The following BAIAP2 variants were observed in gnomAD, a reference collection of about 807,000 sequenced individuals.
BAIAP2 encodes the protein BAR/IMD domain containing adaptor protein 2, also known as BAR/IMD domain-containing adapter protein 2.
Under a neutral mutation model 63.0 loss-of-function variants are expected in BAIAP2, and 18 were observed. The ratio of observed to expected loss-of-function variants is 0.29; its 90% CI spans 0.20 to 0.42. The LOEUF is 0.42. Ranked by LOEUF, BAIAP2 falls within the 10% of genes least tolerant of loss-of-function variation. The pLI is 1.00. For missense variants in BAIAP2, 610 were observed against 734.3 expected (o/e 0.83, Z 1.96); for synonymous variants, 386 against 307.6 (o/e 1.25, Z -2.67).
At chr17:81,067,546 G>T (rs903010776) in intron 3 of BAIAP2, among the ~76,000 whole-genome samples, 1 of 151,100 alleles carries the variant, frequency 6.6e-6, no homozygotes, top group East Asian at 2.0e-4. Flanking sequence ...TTGCAGCCGC[G>T]GCAGCCAAGT....
chr17:81,112,655 C>A (rs1386140930), intron 13 of BAIAP2, among the ~76,000 whole-genome samples: 1 of 152,256 alleles, frequency 6.6e-6, no homozygotes, highest in Non-Finnish European at 1.5e-5. Flanking sequence ...CAGGTGCTGT[C>A]CGCCCGGCTC....
At chr17:81,064,490 C>A (rs2051124329) in intron 3 of BAIAP2, among the ~76,000 whole-genome samples, 1 of 152,376 alleles carries the variant, frequency 6.6e-6, no homozygotes, top group East Asian at 1.9e-4. Flanking sequence ...TGTAGCCAAG[C>A]GTGCTGCTCC....
At chr17:81,074,310 C>T (rs975298598) in intron 3 of BAIAP2, among the ~76,000 whole-genome samples, 13 of 151,670 alleles carry the variant, frequency 8.6e-5, no homozygotes, top group South Asian at 2.1e-4. Context: ...GTGTGAGTGC[C>T]GGTGTGTGTG....
intron 1 of BAIAP2, among the ~76,000 whole-genome samples, chr17:81,038,538 G>A (rs571733402): frequency 1.4e-3 from 212 of 152,352 alleles, no homozygotes; most frequent in African/African-American, 4.8e-3. Context: ...TCTTGGCCCT[G>A]GCTGGTCACT....
intron 3 of BAIAP2, among the ~76,000 whole-genome samples, chr17:81,080,748 G>A (rs2054473895): frequency 6.6e-6 from 1 of 152,168 alleles, no homozygotes; most frequent in Admixed American, 6.5e-5. Flanking sequence ...CAGGCACGGT[G>A]CTGCATGCCT....
At chr17:81,050,554 C>G (rs901206233) in intron 1 of BAIAP2, among the ~76,000 whole-genome samples, 1 of 152,178 alleles carries the variant, frequency 6.6e-6, no homozygotes, top group Non-Finnish European at 1.5e-5. Context: ...CAGGTTGAGC[C>G]TCTTCCACCC....
At chr17:81,104,790 C>T (rs908563256) in intron 10 of BAIAP2, 75 bp downstream of exon 10, 22 of 1,417,510 alleles carry the variant, frequency 1.6e-5, no homozygotes, top group Non-Finnish European at 1.9e-5. Flanking sequence ...CACTCAAGTG[C>T]ACTGAGACCT....
intron 4 of BAIAP2, 111 bp from the exon 5 acceptor site, chr17:81,085,543 A>G (rs2145300134): frequency 1.1e-6 from 1 of 894,892 alleles, no homozygotes; most frequent in South Asian, 1.4e-5. Flanking sequence ...CCCCTCCTGC[A>G]CAGCCGGGAC....
At chr17:81,104,769 T>C in intron 10 of BAIAP2, 54 bp downstream of exon 10, 2 of 1,498,736 alleles carry the variant, frequency 1.3e-6, no homozygotes, top group South Asian at 1.2e-5. Context: ...AGCAAGTGTG[T>C]GGGGCAGCGA....
intron 1 of BAIAP2, among the ~76,000 whole-genome samples, chr17:81,043,811 G>A (rs752655446): frequency 6.6e-6 from 1 of 152,250 alleles, no homozygotes; most frequent in Non-Finnish European, 1.5e-5. Context: ...CCAACTCCAG[G>A]GCCCTCTGGC....
chr17:81,104,095 C>T lies in BAIAP2; in HGVS notation c.1053C>T (p.Asn351=), dbSNP rs905189053. 11 of 1,613,278 alleles carry T rather than the reference C, an allele frequency of 6.8e-6. No homozygotes were observed. The highest frequency in any genetic ancestry group is 9.3e-6 in the Non-Finnish European group (11 of 1,179,998). ...LPVRKSVTPK[N]SYATTENKTL... is the part of the protein sequence containing the mutation. ...TGCGCAAGAGCGTGACCCCAAAAAACAGCTATGCCACCAGTAAGGGCTCCG... is the reference window on the plus strand; with the variant it reads ...TGCGCAAGAGCGTGACCCCAAAAAATAGCTATGCCACCAGTAAGGGCTCCG... Residue 351 remains asparagine, a synonymous_variant, in exon 9 of 14, where the codon AAC becomes AAT. Transcript: ENST00000428708.
At chr17:81,101,427 C>T (rs1190206760) in intron 7 of BAIAP2, among the ~76,000 whole-genome samples, 1 of 152,164 alleles carries the variant, frequency 6.6e-6, no homozygotes, top group African/African-American at 2.4e-5. Context: ...CACCCATAGT[C>T]CATGGGTAGG....
At chr17:81,109,788 T>C in intron 13 of BAIAP2, 6 of 985,396 alleles carry the variant, frequency 6.1e-6, no homozygotes, top group Non-Finnish European at 7.2e-6. Context: ...ACACGGACAT[T>C]CCAAAGACCT....
chr17:81,114,899 C>T (rs996331138), intron 13 of BAIAP2, among the ~76,000 whole-genome samples: 6 of 152,214 alleles, frequency 3.9e-5, no homozygotes, highest in Non-Finnish European at 7.3e-5. Flanking sequence ...CAGGTAATGG[C>T]TCCAGAGTCC....
At chr17:81,100,761 C>G (rs955767963) in intron 7 of BAIAP2, among the ~76,000 whole-genome samples, 1 of 152,178 alleles carries the variant, frequency 6.6e-6, no homozygotes, top group African/African-American at 2.4e-5. Context: ...GGGGCCCTGC[C>G]TGGCTCTCAG....
chr17:81,104,506 C>A lies in BAIAP2; in HGVS notation c.1067-8C>A. ...GGCAGTCCCCTTACCTGTCCCTTGT[C>A]CCAGCAGCCGAGAACAAGACTCTGC... On this transcript the variant is annotated splice_polypyrimidine_tract_variant and splice_region_variant and intron_variant, in intron 9 of 13. Transcript: ENST00000428708. The A allele has an allele frequency of 6.3e-7, 1 of 1,584,344 alleles. No individual in the cohort carries two copies. The highest frequency in any genetic ancestry group is 1.1e-5 in the South Asian group (1 of 89,524).
intron 3 of BAIAP2, among the ~76,000 whole-genome samples, chr17:81,067,735 C>T (rs1408881785): frequency 1.3e-5 from 2 of 152,214 alleles, no homozygotes; most frequent in African/African-American, 4.8e-5. Flanking sequence ...AGCATCGCAG[C>T]GGGGAGGCAC....
intron 6 of BAIAP2, among the ~76,000 whole-genome samples, chr17:81,098,446 A>G (rs2058011661): frequency 6.6e-6 from 1 of 151,932 alleles, no homozygotes; most frequent in African/African-American, 2.4e-5. Context: ...TTGTGATAAA[A>G]TACACGTAAC....
At position 81,099,980 on chromosome 17, in the gene BAIAP2, A is replaced by G; in HGVS notation, c.542A>G (p.Asp181Gly). ...KQGELENYVS[D>G]GYKTALTEER... The stretch of plus-strand genomic sequence containing the variant: ...GGCGAGCTGGAGAATTACGTGTCCG[A>G]CGGCTACAAGACCGCACTGACAGAG... Residue 181 changes from aspartate to glycine, a missense_variant, in exon 7 of 14, where the codon GAC (aspartate) becomes GGC (glycine). Transcript: ENST00000428708. The G allele has an allele frequency of 6.2e-7, 1 of 1,613,416 alleles. No homozygotes were observed. The highest frequency in any genetic ancestry group is 1.7e-5 in the Admixed American group (1 of 60,006).
Sources: allele counts gnomAD v4.1 joint callset (sites outside exome capture counted in the v4.1 genomes callset), GRCh38; gene constraint gnomAD v4.1.1; transcripts MANE v1.5; gene names NCBI Gene and HGNC (gene_info 2026-07-23, HGNC 2026-07-21).